RABGAP1L: variants seen among roughly 807,000 people sequenced by gnomAD.
RABGAP1L encodes rab GTPase-activating protein 1-like.
A neutral mutation model predicts 137.7 loss-of-function variants in RABGAP1L; 63 were observed. The ratio of observed to expected loss-of-function variants is 0.46; its 90% CI spans 0.37 to 0.56. The LOEUF is 0.56. RABGAP1L is among the 20% of genes least tolerant of loss of function. The probability of loss-of-function intolerance (pLI) is 0.00; values close to 1 mark genes in which losing one functional copy is unlikely to be tolerated. For synonymous variants in RABGAP1L, 431 were observed against 433.7 expected (o/e 0.99, Z 0.08); for missense variants, 1,095 against 1,244.0 (o/e 0.88, Z 1.80).
chr1:174,323,760 A>G (rs74128344), intron 11 of RABGAP1L, among the ~76,000 whole-genome samples: 1,867 of 152,260 alleles, frequency 0.012, 48 homozygotes, highest in African/African-American at 0.043. Context: ...TTGTAGAAAA[A>G]TCTACAACTG....
At chr1:174,852,851 A>G (rs560682470) in intron 19 of RABGAP1L, among the ~76,000 whole-genome samples, 1 of 151,926 alleles carries the variant, frequency 6.6e-6, no homozygotes, top group Non-Finnish European at 1.5e-5. Flanking sequence ...AGTAGAACCC[A>G]TGAAGAAAAA....
chr1:174,946,088 CTTTTTCT>C (rs1443080318), intron 19 of RABGAP1L, among the ~76,000 whole-genome samples: 2 of 147,650 alleles, frequency 1.4e-5, no homozygotes, highest in African/African-American at 5.0e-5. Flanking sequence ...GGTATTCTTT[CTTTTTCT>C]TTTTTCTTTT....
intron 18 of RABGAP1L, among the ~76,000 whole-genome samples, chr1:174,808,572 C>T (rs1689562889): frequency 6.6e-6 from 1 of 151,794 alleles, no homozygotes. Context: ...TTTTGGAATT[C>T]AAAAAATGCA....
Position 174,284,734 on chromosome 1 carries a change from C to CTTTTTTTTTTTTTTTTTT in RABGAP1L, c.1323+5964_1323+5981dup, listed in dbSNP as rs59344382. Among the ~76,000 whole-genome samples the CTTTTTTTTTTTTTTTTTT allele has an allele frequency of 9.4e-5, 4 of 42,620 alleles. 1 individual carries two copies. The highest frequency in any genetic ancestry group is 2.9e-4 in the African/African-American group (3 of 10,212). The allele number at this position is 42,620 out of a possible 152,430, so 28.0% of individuals were successfully genotyped here. ...CTCACCAACATTTGTTATTTCTTGT[C>CTTTTTTTTTTTTTTTTTT]TTTTTTTTTTTTTTTTTTTTTTTTT... On this transcript the variant is annotated intron_variant, in intron 10 of 25. Transcript: ENST00000681986.
chr1:174,219,599 T>A (rs879511966), intron 2 of RABGAP1L, among the ~76,000 whole-genome samples: 2 of 152,198 alleles, frequency 1.3e-5, no homozygotes, highest in Non-Finnish European at 2.9e-5. Context: ...TTTTTGTTTC[T>A]CTTACTGCTG....
intron 13 of RABGAP1L, among the ~76,000 whole-genome samples, chr1:174,493,746 G>A (rs981779471): frequency 6.7e-5 from 10 of 149,834 alleles, no homozygotes; most frequent in African/African-American, 1.5e-4. Flanking sequence ...ACCTGACTCC[G>A]TGAGGTTGAG....
At chr1:174,204,036 C>G (rs1482689276) in intron 1 of RABGAP1L, among the ~76,000 whole-genome samples, 1 of 151,798 alleles carries the variant, frequency 6.6e-6, no homozygotes, top group Non-Finnish European at 1.5e-5. Flanking sequence ...ACTGCAACCT[C>G]CACTTCCCAG....
intron 1 of RABGAP1L, among the ~76,000 whole-genome samples, chr1:174,174,656 C>T (rs1665689990): frequency 6.6e-6 from 1 of 152,164 alleles, no homozygotes; most frequent in Admixed American, 6.5e-5. Flanking sequence ...GGCTGAAAAA[C>T]TAGGGGGCTG....
Position 174,992,425 on chromosome 1 carries a change from CAA to C in RABGAP1L, c.*2425_*2426del, listed in dbSNP as rs897772200. On this transcript the variant is annotated 3_prime_UTR_variant, in exon 26 of 26. Transcript: ENST00000681986. ...ATTACATTCCATCCAGCCTGGGCGA[CAA>C]GAGCAAAATTCCGTCTCGAAAAATC... 6 of 152,162 alleles carry C rather than the reference CAA, an allele frequency of 3.9e-5. No individual in the cohort carries two copies. Among genetic ancestry groups the C allele is most frequent in the Admixed American group, 6.5e-5 (1 of 15,274 alleles). The allele number at this position is 152,162 out of a possible 1,614,324, so 9.4% of individuals were successfully genotyped here.
At chr1:174,497,412 C>A (rs1660844238) in intron 13 of RABGAP1L, among the ~76,000 whole-genome samples, 1 of 152,140 alleles carries the variant, frequency 6.6e-6, no homozygotes, top group Non-Finnish European at 1.5e-5. Context: ...GAAGTTCATT[C>A]TCTTAAATAA....
chr1:174,650,341 G>T (rs1039428788), intron 14 of RABGAP1L, among the ~76,000 whole-genome samples: 2 of 152,070 alleles, frequency 1.3e-5, no homozygotes, highest in Admixed American at 1.3e-4. Flanking sequence ...GGATGATGCT[G>T]GCCTCATAAA....
chr1:174,199,517 C>T (rs1046105858), intron 1 of RABGAP1L, among the ~76,000 whole-genome samples: 17 of 152,170 alleles, frequency 1.1e-4, no homozygotes, highest in Non-Finnish European at 1.9e-4. Context: ...GTCTCGAACT[C>T]CTGACCGCAA....
chr1:174,785,811 T>A (rs1687409242), intron 18 of RABGAP1L, among the ~76,000 whole-genome samples: 1 of 152,246 alleles, frequency 6.6e-6, no homozygotes, highest in Non-Finnish European at 1.5e-5. Flanking sequence ...CCCTTTGCCT[T>A]AAATACAGTA....
intron 15 of RABGAP1L, among the ~76,000 whole-genome samples, chr1:174,686,617 G>A (rs186695130): frequency 1.0e-3 from 155 of 151,232 alleles, no homozygotes; most frequent in Non-Finnish European, 1.5e-3. Flanking sequence ...TCAAGACATG[G>A]GTGGTGAAGC....
intron 13 of RABGAP1L, among the ~76,000 whole-genome samples, chr1:174,405,928 A>G (rs1006499084): frequency 6.6e-6 from 1 of 152,134 alleles, no homozygotes; most frequent in Non-Finnish European, 1.5e-5. Context: ...CAGTGAGCCA[A>G]GATCACGCCA....
At chr1:174,631,766 T>C (rs1160708891) in intron 13 of RABGAP1L, among the ~76,000 whole-genome samples, 1 of 148,438 alleles carries the variant, frequency 6.7e-6, no homozygotes, top group Non-Finnish European at 1.5e-5. Flanking sequence ...CTCCATCCTT[T>C]TATTTTGAGC....
At chr1:174,946,452 A>G (rs1157587997) in intron 19 of RABGAP1L, among the ~76,000 whole-genome samples, 1 of 152,164 alleles carries the variant, frequency 6.6e-6, no homozygotes, top group African/African-American at 2.4e-5. Flanking sequence ...CCAGCCTGGC[A>G]ACATAGTGAG....
intron 13 of RABGAP1L, among the ~76,000 whole-genome samples, chr1:174,602,800 T>C (rs908908048): frequency 6.6e-6 from 1 of 152,146 alleles, no homozygotes; most frequent in East Asian, 1.9e-4. Flanking sequence ...TTAAAACTTA[T>C]TGTAATCTCT....
At chr1:174,551,417 T>G (rs1666539820) in intron 13 of RABGAP1L, among the ~76,000 whole-genome samples, 1 of 151,872 alleles carries the variant, frequency 6.6e-6, no homozygotes, top group South Asian at 2.1e-4. Context: ...GATCCATGGG[T>G]CAAAGAGGAA....
Sources: gnomAD v4.1 joint callset for allele counts (sites outside exome capture counted in the v4.1 genomes callset) on GRCh38, gnomAD v4.1.1 for gene constraint, MANE v1.5 for transcripts, NCBI Gene and HGNC (gene_info 2026-07-23, HGNC 2026-07-21) for gene names.